Variants in ANKAR observed in about 807,000 individuals in gnomAD.
ANKAR encodes ankyrin and armadillo repeat-containing protein.
ANKAR carries 136 observed loss-of-function variants against 146.2 expected under a neutral mutation model. That is an observed-to-expected ratio of 0.93 (90% confidence interval 0.81 to 1.07). The LOEUF (loss-of-function observed/expected upper bound fraction) is 1.07. Among genes scored for constraint, ANKAR ranks in the 50% least tolerant of loss-of-function variants. The pLI is 0.00. For missense variants in ANKAR, 1,567 were observed against 1,679.9 expected (o/e 0.93, Z 1.18); for synonymous variants, 500 against 575.8 (o/e 0.87, Z 1.88).
At chr2:189,702,049 C>G (rs574391022) in intron 7 of ANKAR, among the ~76,000 whole-genome samples, 2 of 152,228 alleles carry the variant, frequency 1.3e-5, no homozygotes, top group South Asian at 2.1e-4. Flanking sequence ...GTCCTCTCCC[C>G]CTGTCCCTTA....
chr2:189,748,706 A>G (rs904765630), downstream of ANKAR, among the ~76,000 whole-genome samples: 1 of 152,218 alleles, frequency 6.6e-6, no homozygotes, highest in African/African-American at 2.4e-5. Flanking sequence ...AGCACCATTA[A>G]GGATAAGAAT....
chr2:189,758,753 C>G (rs999706357), intron 18 of ANKAR, among the ~76,000 whole-genome samples: 1 of 152,212 alleles, frequency 6.6e-6, no homozygotes, highest in Non-Finnish European at 1.5e-5. Flanking sequence ...TGGCCCCTGT[C>G]ACCTTGGCAC....
In ANKAR at chr2:189,733,134, A is replaced by C. The variant is rs755913238; in HGVS notation, c.3328A>C (p.Ile1110Leu). 8.1e-6 allele frequency: 13 copies of C among 1,609,318 alleles called. 1 individual carries two copies. In the South Asian group the frequency reaches 1.5e-4, roughly 18 times the overall value. Residue 1110 changes from isoleucine to leucine, a missense_variant, in exon 17 of 23, where the codon ATT (isoleucine) becomes CTT (leucine). Physicochemically the swap from Ile to Leu is conservative, Grantham distance 5. Coordinates refer to ENST00000684021, the MANE Select transcript of ANKAR (RefSeq NM_001378068.1). ...KVEVAFSLAC[I>L]VLGNDVLQKD... ...TGAAGTGGCATTTTCCTTGGCATGC[A>C]TTGTCCTAGGGAATGATGTGTTACA...
chr2:189,746,721 T>G, downstream of ANKAR: 1 of 1,302,678 alleles, frequency 7.7e-7, no homozygotes, highest in Non-Finnish European at 1.0e-6. Flanking sequence ...AACTGAATAA[T>G]CTTTTTGAAT....
intron 12 of ANKAR, among the ~76,000 whole-genome samples, chr2:189,725,546 T>C (rs1245216834): frequency 6.6e-6 from 1 of 152,158 alleles, no homozygotes; most frequent in African/African-American, 2.4e-5. Context: ...GGCATATCTA[T>C]AGGACACAAG....
chr2:189,693,624 A>G (rs911334055), intron 5 of ANKAR, among the ~76,000 whole-genome samples: 3 of 152,308 alleles, frequency 2.0e-5, no homozygotes, highest in East Asian at 1.9e-4. Flanking sequence ...CTTTTAAGGC[A>G]TGCAAGCAGT....
At chr2:189,760,441 G>A (rs953850081) in intron 18 of ANKAR, among the ~76,000 whole-genome samples, 51 of 152,332 alleles carry the variant, frequency 3.3e-4, no homozygotes, top group African/African-American at 1.2e-3. Flanking sequence ...CCTCCCAAGA[G>A]TATTTTAATA....
chr2:189,735,263 G>T (rs959923011), intron 17 of ANKAR, among the ~76,000 whole-genome samples: 4 of 152,088 alleles, frequency 2.6e-5, no homozygotes, highest in Non-Finnish European at 5.9e-5. Flanking sequence ...GCTTATAATA[G>T]ATTTATTCTT....
intron 7 of ANKAR, among the ~76,000 whole-genome samples, chr2:189,700,038 AT>A (rs56858302): frequency 1.1e-4 from 16 of 149,378 alleles, no homozygotes; most frequent in Middle Eastern, 3.5e-3. Context: ...CTTGACCTTC[AT>A]TTTTTTTTTT....
chr2:189,761,056 T>G (rs1358072910), intron 18 of ANKAR: 1 of 154,372 alleles, frequency 6.5e-6, no homozygotes, highest in Non-Finnish European at 1.4e-5. Flanking sequence ...ACAAGTTATA[T>G]GTATAAATAT....
At chr2:189,696,437 C>A in intron 7 of ANKAR, 68 bp downstream of exon 7, 1 of 1,461,066 alleles carries the variant, frequency 6.8e-7, no homozygotes, top group Non-Finnish European at 9.2e-7. Flanking sequence ...TAGGAATGCA[C>A]GTTGATTTTA....
At chr2:189,700,639 T>A (rs1476571770) in intron 7 of ANKAR, among the ~76,000 whole-genome samples, 1 of 152,194 alleles carries the variant, frequency 6.6e-6, no homozygotes, top group Non-Finnish European at 1.5e-5. Context: ...AGGTCTTATC[T>A]ATTCTTTCTA....
chr2:189,752,848 C>T (rs749124752), intron 18 of ANKAR: 1 of 1,613,516 alleles, frequency 6.2e-7, no homozygotes, highest in Non-Finnish European at 8.5e-7. Flanking sequence ...CTGTGGCTTA[C>T]CATGCAATCA....
chr2:189,730,572 C>T lies in ANKAR; in HGVS notation c.3271C>T (p.Leu1091=). 6 of 1,596,544 alleles carry T rather than the reference C, an allele frequency of 3.8e-6. No homozygotes were observed. Among genetic ancestry groups the T allele is most frequent in the Non-Finnish European group, 5.1e-6 (6 of 1,168,580 alleles). Residue 1091 remains leucine, a synonymous_variant, in exon 16 of 23, where the codon CTA becomes TTA. Transcript: ENST00000684021. ...ENAFPVLIQL[L]RNHPSPNIKV... is the part of the protein sequence containing the mutation. The stretch of plus-strand genomic sequence containing the variant: ...TGCCTTTCCAGTACTTATCCAACTA[C>T]TAAGAAATCACCCTTCTCCTAACAT...
chr2:189,723,727 T>C (rs1033003866), intron 12 of ANKAR, among the ~76,000 whole-genome samples: 3 of 152,198 alleles, frequency 2.0e-5, no homozygotes, highest in Non-Finnish European at 4.4e-5. Flanking sequence ...TGGAGTTCCT[T>C]AAGCTTCCAT....
chr2:189,689,500 C>A, intron 2 of ANKAR, 27 bp from the exon 3 acceptor site: 4 of 1,515,944 alleles, frequency 2.6e-6, no homozygotes, highest in Non-Finnish European at 3.5e-6. Context: ...TTTTCACTAT[C>A]TAAAATTTTC....
chr2:189,716,233 C>T (rs552780192), intron 10 of ANKAR, among the ~76,000 whole-genome samples: 1,630 of 152,324 alleles, frequency 0.011, 30 homozygotes, highest in African/African-American at 0.037. Context: ...TAAGCAACTT[C>T]AGCAAACTCT....
intron 15 of ANKAR, among the ~76,000 whole-genome samples, chr2:189,729,862 A>T (rs1344504710): frequency 6.6e-6 from 1 of 152,148 alleles, no homozygotes; most frequent in Non-Finnish European, 1.5e-5. Context: ...ACCCATTTAC[A>T]TAAACCCACT....
chr2:189,687,109 C>T (rs2105782791), intron 2 of ANKAR, among the ~76,000 whole-genome samples: 1 of 152,222 alleles, frequency 6.6e-6, no homozygotes, highest in Non-Finnish European at 1.5e-5. Context: ...ATCCCCACTT[C>T]CCTCCTGCCC....
Sources: gnomAD v4.1 joint callset for allele counts (sites outside exome capture counted in the v4.1 genomes callset) on GRCh38, gnomAD v4.1.1 for gene constraint, MANE v1.5 for transcripts, NCBI Gene and HGNC (gene_info 2026-07-23, HGNC 2026-07-21) for gene names.